The following DCDC1 variants were observed in gnomAD, a reference collection of about 807,000 sequenced individuals.
DCDC1 encodes doublecortin domain containing 1.
Under a neutral mutation model 178.3 loss-of-function variants are expected in DCDC1, and 200 were observed. The ratio of observed to expected loss-of-function variants is 1.12; its 90% CI spans 1.00 to 1.26. The LOEUF is 1.26. Among genes scored for constraint, DCDC1 ranks in the 50% most tolerant of loss-of-function variants. The pLI is 0.00. For missense variants in DCDC1, 1,983 were observed against 1,749.2 expected, an observed-to-expected ratio of 1.13 and a Z score of -2.38; for synonymous variants, 690 against 604.8, an observed-to-expected ratio of 1.14 and a Z score of -2.07.
chr11:31,326,011 A>G (rs1949625824), intron 3 of DCDC1, among the ~76,000 whole-genome samples: 1 of 152,144 alleles, frequency 6.6e-6, no homozygotes, highest in African/African-American at 2.4e-5. Flanking sequence ...GACCCCTTTC[A>G]GATTGAAACT....
chr11:31,240,052 C>T (rs917581296), intron 9 of DCDC1, among the ~76,000 whole-genome samples: 48 of 151,636 alleles, frequency 3.2e-4, no homozygotes, highest in African/African-American at 1.1e-3. Flanking sequence ...CAGTGCTTTT[C>T]CTGAATTGGA....
intron 9 of DCDC1, among the ~76,000 whole-genome samples, chr11:31,177,128 A>T (rs1179342898): frequency 6.6e-6 from 1 of 152,144 alleles, no homozygotes; most frequent in African/African-American, 2.4e-5. Context: ...TAGATTAAAA[A>T]AATAAATTAA....
chr11:31,250,236 G>A (rs1943881950), intron 8 of DCDC1, among the ~76,000 whole-genome samples: 1 of 150,792 alleles, frequency 6.6e-6, no homozygotes, highest in South Asian at 2.1e-4. Context: ...ATTCATGATT[G>A]CTTGCTTTTA....
chr11:31,281,304 G>C (rs148352618), intron 7 of DCDC1, among the ~76,000 whole-genome samples: 2 of 152,124 alleles, frequency 1.3e-5, no homozygotes, highest in East Asian at 3.9e-4. Context: ...AATGAAAAGA[G>C]AGGACATCTT....
chr11:30,902,199 T>C (rs1291178988), intron 32 of DCDC1, among the ~76,000 whole-genome samples: 1 of 152,134 alleles, frequency 6.6e-6, no homozygotes, highest in East Asian at 1.9e-4. Flanking sequence ...GGTGATTAGG[T>C]CATAAGGGCT....
chr11:31,303,334 C>G (rs966037749), intron 6 of DCDC1, among the ~76,000 whole-genome samples: 4 of 152,150 alleles, frequency 2.6e-5, no homozygotes, highest in Non-Finnish European at 5.9e-5. Flanking sequence ...TAGAAAGATA[C>G]ATCATTAACA....
Position 31,306,265 on chromosome 11 carries a change from G to A in DCDC1, c.558C>T (p.Val186=), listed in dbSNP as rs370701783. The change falls in exon 5 of 39, where the codon GTC becomes GTT. Residue 186 remains valine (V), a synonymous_variant. Transcript: ENST00000684477. ...VTAYKNGSRT[V]FARVTVPTIT... is the part of the protein sequence containing the mutation. ...TGGTTGGTACAGTAACTCTGGCAAA[G>A]ACTGTTCTAGATCCATTTTTGTAAG... 1.9e-6 allele frequency: 3 copies of A among 1,600,200 alleles called. No homozygotes were observed. Among genetic ancestry groups the A allele is most frequent in the Non-Finnish European group, 2.6e-6 (3 of 1,173,176 alleles).
intron 24 of DCDC1, among the ~76,000 whole-genome samples, chr11:30,922,087 A>T (rs1946287208): frequency 6.6e-6 from 1 of 152,230 alleles, no homozygotes; most frequent in Non-Finnish European, 1.5e-5. Flanking sequence ...GACTTCAGAC[A>T]GTAGAGCCCA....
chr11:30,988,271 A>G (rs947779965), intron 20 of DCDC1, among the ~76,000 whole-genome samples: 16 of 152,182 alleles, frequency 1.1e-4, no homozygotes, highest in African/African-American at 3.9e-4. Flanking sequence ...CAGTTTAGTG[A>G]AAATCAAAAT....
At chr11:31,000,528 A>T (rs1240115357) in intron 20 of DCDC1, among the ~76,000 whole-genome samples, 1 of 152,132 alleles carries the variant, frequency 6.6e-6, no homozygotes, top group East Asian at 1.9e-4. Flanking sequence ...ACACATGCAG[A>T]TACTCACATT....
chr11:31,267,596 G>C lies in DCDC1; in HGVS notation c.961-1996C>G, dbSNP rs540023351. 7.2e-5 allele frequency among the ~76,000 whole-genome samples: 11 copies of C among 152,306 alleles called. 1 individual carries two copies. The South Asian group carries it at 2.3e-3, about 32-fold the overall frequency. ...TACTTGCAAAGAATGTAACAACCCT[G>C]GTGATTCTCTAAATAACCCTGGTTA... On this transcript the variant is annotated intron_variant, in intron 7 of 38. Transcript: ENST00000684477.
intron 11 of DCDC1, among the ~76,000 whole-genome samples, chr11:31,116,944 A>T (rs1960059319): frequency 6.6e-6 from 1 of 152,086 alleles, no homozygotes; most frequent in Non-Finnish European, 1.5e-5. Flanking sequence ...TTAAAATTCC[A>T]TTGTAAGATA....
chr11:31,206,091 T>C (rs898900825), intron 9 of DCDC1, among the ~76,000 whole-genome samples: 1 of 152,192 alleles, frequency 6.6e-6, no homozygotes, highest in African/African-American at 2.4e-5. Context: ...TTAAAATACT[T>C]TCCTCTATCT....
chr11:31,014,235 C>T (rs968516823), intron 20 of DCDC1, among the ~76,000 whole-genome samples: 1 of 151,936 alleles, frequency 6.6e-6, no homozygotes, highest in Non-Finnish European at 1.5e-5. Context: ...TTTTCTCCCC[C>T]CTCCCCTCCC....
chr11:31,027,779 G>A (rs1953337711), intron 20 of DCDC1, among the ~76,000 whole-genome samples: 2 of 151,800 alleles, frequency 1.3e-5, no homozygotes, highest in Non-Finnish European at 3.0e-5. Context: ...AATTCACTTG[G>A]AACTAATTTC....
At chr11:31,026,233 G>A (rs933018085) in intron 20 of DCDC1, among the ~76,000 whole-genome samples, 1 of 151,626 alleles carries the variant, frequency 6.6e-6, no homozygotes, top group African/African-American at 2.4e-5. Context: ...ATAAATATAG[G>A]ACTTACAACA....
intron 20 of DCDC1, among the ~76,000 whole-genome samples, chr11:31,011,461 A>G (rs1355931319): frequency 1.3e-5 from 2 of 152,232 alleles, no homozygotes; most frequent in Non-Finnish European, 2.9e-5. Flanking sequence ...AGATATGGAT[A>G]TGCAATTCAC....
intron 36 of DCDC1, among the ~76,000 whole-genome samples, chr11:30,891,519 G>GA (rs1031336381): frequency 9.2e-5 from 14 of 152,198 alleles, no homozygotes; most frequent in Admixed American, 3.3e-4. Flanking sequence ...TATTCTCTCA[G>GA]AAATTTATCA....
chr11:31,168,641 G>A (rs1591290994), intron 9 of DCDC1, among the ~76,000 whole-genome samples: 1 of 152,124 alleles, frequency 6.6e-6, no homozygotes, highest in Admixed American at 6.6e-5. Context: ...AAAGACTGAC[G>A]GGGTTAGTTG....
Sources: allele counts gnomAD v4.1 joint callset (sites outside exome capture counted in the v4.1 genomes callset), GRCh38; gene constraint gnomAD v4.1.1; transcripts MANE v1.5; gene names NCBI Gene and HGNC (gene_info 2026-07-23, HGNC 2026-07-21).